The following SYT1 variants were observed in gnomAD, a reference collection of about 807,000 sequenced individuals.
SYT1 encodes synaptotagmin 1, also known as synaptotagmin-1.
A neutral mutation model predicts 44.8 loss-of-function variants in SYT1; 8 were observed. The observed-to-expected ratio is 0.18, with a 90% CI of 0.10 to 0.32. SYT1 has a LOEUF of 0.32. Among genes scored for constraint, SYT1 ranks in the 10% least tolerant of loss-of-function variants. The probability of loss-of-function intolerance (pLI) is 1.00; values close to 1 mark genes in which losing one functional copy is unlikely to be tolerated. For synonymous variants in SYT1, 154 were observed against 188.8 expected (o/e 0.82, Z 1.51); for missense variants, 286 against 509.3 (o/e 0.56, Z 4.22).
chr12:79,245,860 T>A, intron 4 of SYT1, among the ~76,000 whole-genome samples: 1 of 151,392 alleles, frequency 6.6e-6, no homozygotes, highest in Admixed American at 6.6e-5. Flanking sequence ...GTAAAAAGAA[T>A]ATATAACAGT....
intron 9 of SYT1, among the ~76,000 whole-genome samples, chr12:79,379,425 G>A (rs1444708372): frequency 2.0e-5 from 3 of 152,242 alleles, no homozygotes; most frequent in East Asian, 3.9e-4. Context: ...GGAGTCCTCT[G>A]AGAACCCTGA....
At chr12:78,979,561 A>G (rs1172208343) in intron 2 of SYT1, among the ~76,000 whole-genome samples, 1 of 152,148 alleles carries the variant, frequency 6.6e-6, no homozygotes, top group Admixed American at 6.5e-5. Context: ...GTAAAACTAG[A>G]TGTATAACTG....
chr12:79,223,576 G>A (rs1875304297), intron 4 of SYT1, among the ~76,000 whole-genome samples: 1 of 152,156 alleles, frequency 6.6e-6, no homozygotes, highest in Admixed American at 6.5e-5. Context: ...CATAAGAGTG[G>A]TGCCAGAAGC....
At chr12:78,915,617 T>G (rs1876607816) in intron 1 of SYT1, among the ~76,000 whole-genome samples, 1 of 152,052 alleles carries the variant, frequency 6.6e-6, no homozygotes, top group Non-Finnish European at 1.5e-5. Flanking sequence ...ATAGATGTAT[T>G]GAATGGTTCT....
At chr12:79,392,794 C>CTTT (rs201086341) in intron 9 of SYT1, 1 of 90,078 alleles carries the variant, frequency 1.1e-5, no homozygotes, top group Non-Finnish European at 2.5e-5. Flanking sequence ...CTTTATTTTT[C>CTTT]TTTCTTTTTT....
At position 79,451,202 on chromosome 12, in the gene SYT1, G is replaced by A. The variant is rs183247690; in HGVS notation, c.*2078G>A. 2.8e-4 allele frequency: 43 copies of A among 152,302 alleles called. No homozygotes were observed. The highest frequency in any genetic ancestry group is 9.6e-4 in the African/African-American group (40 of 41,568). The allele number at this position is 152,302 out of a possible 1,614,324, so 9.4% of individuals were successfully genotyped here. A position where few individuals can be genotyped will look rare whatever the true frequency, so the allele number is the denominator to read the frequency against. On this transcript the variant is annotated 3_prime_UTR_variant, in exon 11 of 11. Transcript: ENST00000261205. ...GCCTTTTAGGCCAGACATAGCAAAC[G>A]CTTTATAATTGGCATAGACATAAAG... is the stretch of plus-strand genomic sequence containing the variant.
At position 79,285,899 on chromosome 12, in the gene SYT1, A is replaced by G. The variant is rs774241242; in HGVS notation, c.279A>G (p.Gly93=). 6.2e-7 allele frequency: 1 copy of G among 1,613,858 alleles called. No individual in the cohort carries two copies. The highest frequency in any genetic ancestry group is 1.1e-5 in the South Asian group (1 of 90,984). ...TCAAAAAGAAAAACAAGAAGAAGGG[A>G]AAGGAAAAAGGAGGGAAGAATGCCA... ...CLFKKKNKKK[G]KEKGGKNAIN... Residue 93 remains glycine, a synonymous_variant, in exon 5 of 11, where the codon GGA becomes GGG. Transcript: ENST00000261205.
At chr12:79,335,647 C>T (rs1321868429) in intron 8 of SYT1, among the ~76,000 whole-genome samples, 2 of 152,140 alleles carry the variant, frequency 1.3e-5, no homozygotes, top group African/African-American at 4.8e-5. Flanking sequence ...TTTACCAACA[C>T]ACACACATAC....
intron 3 of SYT1, among the ~76,000 whole-genome samples, chr12:79,192,627 C>T (rs1873199677): frequency 6.6e-6 from 1 of 152,070 alleles, no homozygotes; most frequent in African/African-American, 2.4e-5. Context: ...ACCAAGATGA[C>T]CTTTACCCTA....
intron 4 of SYT1, among the ~76,000 whole-genome samples, chr12:79,284,323 T>A: frequency 6.6e-6 from 1 of 152,272 alleles, no homozygotes; most frequent in South Asian, 2.1e-4. Context: ...TTTAGTATAT[T>A]TATGTATATA....
chr12:79,090,093 A>G (rs1052892537), intron 3 of SYT1, among the ~76,000 whole-genome samples: 2 of 152,062 alleles, frequency 1.3e-5, no homozygotes. Flanking sequence ...TGTCTTTTCA[A>G]TAAGAGCTTA....
At chr12:79,377,501 TGTA>T (rs1399774454) in intron 9 of SYT1, among the ~76,000 whole-genome samples, 7 of 152,210 alleles carry the variant, frequency 4.6e-5, no homozygotes, top group African/African-American at 9.6e-5. Flanking sequence ...CTCTAGCAAT[TGTA>T]GTGACAGGAC....
At chr12:79,204,267 T>C (rs1388234802) in intron 3 of SYT1, among the ~76,000 whole-genome samples, 1 of 152,262 alleles carries the variant, frequency 6.6e-6, no homozygotes, top group Non-Finnish European at 1.5e-5. Flanking sequence ...TATTTCTAAC[T>C]GGTAGGTTGC....
chr12:79,051,829 G>C (rs942527937), intron 3 of SYT1, among the ~76,000 whole-genome samples: 2 of 152,028 alleles, frequency 1.3e-5, no homozygotes, highest in African/African-American at 4.8e-5. Context: ...TCAAAGATCA[G>C]ATAGCTGTAG....
chr12:79,406,100 C>T (rs974389338), intron 9 of SYT1, among the ~76,000 whole-genome samples: 1 of 152,082 alleles, frequency 6.6e-6, no homozygotes, highest in Non-Finnish European at 1.5e-5. Context: ...CCAAGTGGAG[C>T]ATTGCTAATA....
chr12:78,894,330 GTTTTTTTTTTTTTTTTT>G (rs566175647), intron 1 of SYT1, among the ~76,000 whole-genome samples: 2 of 27,734 alleles, frequency 7.2e-5, no homozygotes, highest in African/African-American at 2.4e-4. Context: ...TTTTTAATCT[GTTTTTTTTTTTTTTTTT>G]TTTTTTTTTT....
chr12:79,120,584 A>G lies in SYT1; in HGVS notation c.-18+73222A>G, dbSNP rs188227801. Among the ~76,000 whole-genome samples, 158 of 152,322 alleles carry G rather than the reference A, an allele frequency of 1.0e-3. 1 individual carries two copies. The highest frequency in any genetic ancestry group is 1.9e-3 in the Non-Finnish European group (126 of 68,018). On this transcript the variant is annotated intron_variant, in intron 3 of 10. Transcript: ENST00000261205. The stretch of plus-strand genomic sequence containing the variant: ...ACATTTTCAGTAAAACTGGACTTCA[A>G]TGATGTAACTTATGCAAAGTATCCT...
intron 1 of SYT1, among the ~76,000 whole-genome samples, chr12:78,870,216 C>T (rs963012009): frequency 2.6e-5 from 4 of 152,036 alleles, no homozygotes; most frequent in African/African-American, 4.8e-5. Flanking sequence ...AACCATGCTA[C>T]GGCAATCATA....
intron 9 of SYT1, among the ~76,000 whole-genome samples, chr12:79,422,042 A>C (rs1050706230): frequency 1.3e-5 from 2 of 151,852 alleles, no homozygotes; most frequent in African/African-American, 4.8e-5. Context: ...GTTCCCTTGT[A>C]TTTACAAGCC....
Sources: gnomAD v4.1 joint callset for allele counts (sites outside exome capture counted in the v4.1 genomes callset) on GRCh38, gnomAD v4.1.1 for gene constraint, MANE v1.5 for transcripts, NCBI Gene and HGNC (gene_info 2026-07-23, HGNC 2026-07-21) for gene names.